The following DYM variants were observed in gnomAD, a reference collection of about 807,000 sequenced individuals.
DYM encodes dymeclin.
A neutral mutation model predicts 93.1 loss-of-function variants in DYM; 78 were observed. The ratio of observed to expected loss-of-function variants is 0.84; its 90% CI spans 0.70 to 1.01. The LOEUF is 1.01. Ranked by LOEUF, DYM falls within the 50% of genes least tolerant of loss-of-function variation. The pLI is 0.00. For synonymous variants in DYM, 321 were observed against 319.7 expected, an observed-to-expected ratio of 1.00 and a Z score of -0.04; for missense variants, 789 against 845.0, an observed-to-expected ratio of 0.93 and a Z score of 0.82.
intron 8 of DYM, among the ~76,000 whole-genome samples, chr18:49,296,771 G>A (rs2060593046): frequency 1.3e-5 from 2 of 152,064 alleles, no homozygotes; most frequent in Admixed American, 6.6e-5. Context: ...CAAGGTCCAA[G>A]TCACAGTCAT....
intron 1 of DYM, among the ~76,000 whole-genome samples, chr18:49,441,070 ATAAATATTAT>A (rs2081431095): frequency 5.8e-4 from 5 of 8,634 alleles, no homozygotes; most frequent in Non-Finnish European, 7.0e-4. Flanking sequence ...TATATTATAT[ATAAATATTAT>A]ATTATATATT....
chr18:49,151,295 T>C (rs1198685135), intron 15 of DYM, among the ~76,000 whole-genome samples: 1 of 152,232 alleles, frequency 6.6e-6, no homozygotes, highest in East Asian at 1.9e-4. Context: ...CTCATGAATT[T>C]GTCAGAAATC....
At chr18:49,202,892 G>GTCCGA (rs2092157032) in intron 14 of DYM, among the ~76,000 whole-genome samples, 2 of 123,190 alleles carry the variant, frequency 1.6e-5, no homozygotes. Context: ...ACCCCGTCCG[G>GTCCGA]GAGGGAGGTT....
At chr18:49,243,666 CAAAAAAA>C (rs59748721) in intron 13 of DYM, among the ~76,000 whole-genome samples, 24 of 114,230 alleles carry the variant, frequency 2.1e-4, no homozygotes, top group African/African-American at 8.0e-4. Context: ...GGCTCTGTCT[CAAAAAAA>C]AAAAAAAAGA....
In DYM at chr18:49,209,680, A is replaced by G; in HGVS notation, c.1496T>C (p.Val499Ala). ...GTGGGGGAAATACAGTTTGTCCAAC[A>G]CATAAACATATCTCCGCAAGTGGCG... ...TCRHLRRYVYVLDKLYFPHSH... is the reference protein window; with the variant it reads ...TCRHLRRYVYALDKLYFPHSH... Residue 499 changes from valine to alanine, a missense_variant, in exon 14 of 18, where the codon GTG becomes GCG. Val to Ala is a moderately conservative substitution (Grantham distance 64, BLOSUM62 0). Transcript: ENST00000675505. The G allele has an allele frequency of 7.8e-6, 10 of 1,287,830 alleles. No individual in the cohort carries two copies. Among genetic ancestry groups the G allele is most frequent in the Non-Finnish European group, 1.0e-5 (10 of 987,786 alleles). 79.8% of individuals were successfully genotyped at this position (1,287,830 alleles called of 1,614,324 possible).
chr18:49,273,198 T>A lies in DYM; in HGVS notation c.1126-895A>T, dbSNP rs137963238. ...GCTTTTAAAATGTGGCACTGGTATG[T>A]TTTGTTCTTTTACAAGTTGTAGCTA... On this transcript the variant is annotated intron_variant, in intron 10 of 17. Transcript: ENST00000675505. 5.9e-3 allele frequency among the ~76,000 whole-genome samples: 896 copies of A among 152,248 alleles called. 4 individuals are homozygous for A. The highest frequency in any genetic ancestry group is 9.1e-3 in the Non-Finnish European group (622 of 68,008).
intron 10 of DYM, among the ~76,000 whole-genome samples, chr18:49,278,651 TC>T (rs1049311951): frequency 2.0e-5 from 3 of 152,026 alleles, no homozygotes; most frequent in African/African-American, 7.3e-5. Flanking sequence ...TAGCTGTGTT[TC>T]CTCCTTTTAG....
At chr18:49,240,217 C>T (rs1026772848) in intron 13 of DYM, among the ~76,000 whole-genome samples, 1 of 152,094 alleles carries the variant, frequency 6.6e-6, no homozygotes, top group Non-Finnish European at 1.5e-5. Context: ...TGCTCACATC[C>T]ACTCTACCTA....
intron 15 of DYM, among the ~76,000 whole-genome samples, chr18:49,131,776 G>C (rs1441345831): frequency 6.6e-6 from 1 of 152,120 alleles, no homozygotes; most frequent in Non-Finnish European, 1.5e-5. Context: ...AGGAGAATCT[G>C]AATCTATTTA....
intron 2 of DYM, among the ~76,000 whole-genome samples, chr18:49,417,098 T>C (rs1333111223): frequency 6.6e-5 from 10 of 152,248 alleles, no homozygotes; most frequent in Non-Finnish European, 1.3e-4. Context: ...GTTTCCTTTA[T>C]AGTACAAGAA....
At chr18:49,062,024 C>T (rs1385034546) in intron 17 of DYM, among the ~76,000 whole-genome samples, 2 of 152,188 alleles carry the variant, frequency 1.3e-5, no homozygotes, top group Non-Finnish European at 2.9e-5. Context: ...GTGCAGCTGA[C>T]CTCATGGTGC....
At chr18:49,330,394 G>C (rs2063223853) in intron 8 of DYM, among the ~76,000 whole-genome samples, 1 of 152,056 alleles carries the variant, frequency 6.6e-6, no homozygotes, top group Non-Finnish European at 1.5e-5. Context: ...CTGAGAGCTA[G>C]GAAAATTAAG....
chr18:49,239,271 G>C (rs115456051), intron 13 of DYM, among the ~76,000 whole-genome samples: 231 of 152,304 alleles, frequency 1.5e-3, no homozygotes, highest in African/African-American at 5.4e-3. Context: ...CATTTGAATG[G>C]ATTCAGCTTA....
At chr18:49,456,242 C>T (rs1247417904) in intron 1 of DYM, among the ~76,000 whole-genome samples, 1 of 152,178 alleles carries the variant, frequency 6.6e-6, no homozygotes, top group Non-Finnish European at 1.5e-5. Flanking sequence ...AGCAGAGCTG[C>T]CAAACCAGCC....
intron 17 of DYM, among the ~76,000 whole-genome samples, chr18:49,072,270 G>A (rs2076952963): frequency 6.6e-6 from 1 of 152,152 alleles, no homozygotes; most frequent in South Asian, 2.1e-4. Flanking sequence ...AAGTTACAAA[G>A]CTATGCTGCC....
chr18:49,289,776 CATATATATATAT>C (rs368783117), intron 8 of DYM, among the ~76,000 whole-genome samples: 7 of 85,520 alleles, frequency 8.2e-5, no homozygotes, highest in African/African-American at 4.0e-4. Flanking sequence ...TATATATACA[CATATATATATAT>C]ACACACATAT....
At chr18:49,264,836 A>C (rs907608315) in intron 11 of DYM, among the ~76,000 whole-genome samples, 1 of 152,216 alleles carries the variant, frequency 6.6e-6, no homozygotes, top group Non-Finnish European at 1.5e-5. Flanking sequence ...CATTGAACAA[A>C]TAGACTAGAG....
intron 13 of DYM, among the ~76,000 whole-genome samples, chr18:49,219,767 AGAGCTATCTAT>A: frequency 6.6e-6 from 1 of 152,168 alleles, no homozygotes; most frequent in East Asian, 1.9e-4. Flanking sequence ...CAAAATAATA[AGAGCTATCTAT>A]GACAAACCCA....
intron 17 of DYM, among the ~76,000 whole-genome samples, chr18:49,092,644 A>T (rs2079150794): frequency 6.6e-6 from 1 of 152,228 alleles, no homozygotes; most frequent in Non-Finnish European, 1.5e-5. Flanking sequence ...GGAAGAAACA[A>T]ACCACATTTG....
Sources: gnomAD v4.1 joint callset for allele counts (sites outside exome capture counted in the v4.1 genomes callset) on GRCh38, gnomAD v4.1.1 for gene constraint, MANE v1.5 for transcripts, NCBI Gene and HGNC (gene_info 2026-07-23, HGNC 2026-07-21) for gene names.